GOLGA8O: variants seen among roughly 807,000 people sequenced by gnomAD.
The protein encoded by GOLGA8O is golgin A8 family member O, also known as golgin subfamily A member 8O.
GOLGA8O carries 4 observed loss-of-function variants against 29.7 expected under a neutral mutation model. The observed-to-expected ratio is 0.13, with a 90% CI of 0.07 to 0.31. GOLGA8O has a LOEUF of 0.31. Ranked by LOEUF, GOLGA8O falls within the 10% of genes least tolerant of loss-of-function variation. GOLGA8O has a pLI of 1.00. For missense variants in GOLGA8O, 32 were observed against 216.5 expected, an observed-to-expected ratio of 0.15 and a Z score of 5.35; for synonymous variants, 6 against 78.0, an observed-to-expected ratio of 0.08 and a Z score of 4.87.
Position 32,451,586 on chromosome 15 carries a change from A to G in GOLGA8O, c.348+15T>C. 1 of 1,583,576 alleles carries G rather than the reference A, an allele frequency of 6.3e-7. No individual in the cohort carries two copies. The highest frequency in any genetic ancestry group is 1.1e-5 in the South Asian group (1 of 90,472). ...AACCCAGCAGTCATGTCGCGAGGAAACGAAATCACGTTACTTCTTCCAGCT... is the reference window on the plus strand; with the variant it reads ...AACCCAGCAGTCATGTCGCGAGGAAGCGAAATCACGTTACTTCTTCCAGCT... On this transcript the variant is annotated intron_variant, in intron 5 of 18. Transcript: ENST00000509311.
rs2055061722 is a variant in GOLGA8O at position 32,444,488 on chromosome 15, T to TCC, written c.*616_*617dup. Among the ~76,000 whole-genome samples the TCC allele has an allele frequency of 9.2e-6, 1 of 109,076 alleles. No individual in the cohort carries two copies. The highest frequency in any genetic ancestry group is 3.1e-5 in the African/African-American group (1 of 32,440). 71.6% of individuals were successfully genotyped at this position (109,076 alleles called of 152,430 possible). A position where few individuals can be genotyped will look rare whatever the true frequency, so the allele number is the denominator to read the frequency against. ...TCCTCTTCTGTGAGATTTAAAAAGC[T>TCC]CCCCCAAAAGGTTATCACTCCCATC... is the stretch of plus-strand genomic sequence containing the variant. On this transcript the variant is annotated 3_prime_UTR_variant, in exon 19 of 19. Coordinates refer to ENST00000509311, the MANE Select transcript of GOLGA8O (RefSeq NM_001277308.1).
At chr15:32,451,439 C>T in intron 5 of GOLGA8O, 101 bp from the exon 6 acceptor site, 1 of 690,574 alleles carries the variant, frequency 1.4e-6, no homozygotes, top group Non-Finnish European at 2.6e-6. Context: ...GACAGGCCCA[C>T]CCATGGGACC....
chr15:32,450,985 T>A lies in GOLGA8O; in HGVS notation c.519A>T (p.Ser173=). Residue 173 remains serine (S), a synonymous_variant, in exon 8 of 19, where the codon TCA becomes TCT. Coordinates refer to ENST00000509311, the MANE Select transcript of GOLGA8O (RefSeq NM_001277308.1). ...TCTCTAACTCTCCTTTACACTGCAA[T>A]GAATGTTGCAGGCGGACAGCCAGGT... ...SKDLAVRLQH[S]LQCKGELESA... 1 of 1,401,360 alleles carries A rather than the reference T, an allele frequency of 7.1e-7. No individual in the cohort carries two copies. Among genetic ancestry groups the A allele is most frequent in the Non-Finnish European group, 9.6e-7 (1 of 1,038,780 alleles). 86.8% of individuals were successfully genotyped at this position (1,401,360 alleles called of 1,614,324 possible).
chr15:32,450,545 A>G (rs1390581426), intron 8 of GOLGA8O, among the ~76,000 whole-genome samples: 2 of 143,380 alleles, frequency 1.4e-5, no homozygotes, highest in South Asian at 2.4e-4. Flanking sequence ...ACACACACAC[A>G]CACACATGCA....
Position 32,451,609 on chromosome 15 carries a change from G to C in GOLGA8O, c.340C>G (p.Leu114Val), listed in dbSNP as rs751484587. The change falls in exon 5 of 19, where the codon CTG becomes GTG. Residue 114 changes from leucine to valine, a missense_variant. Leu to Val is a conservative substitution (Grantham distance 32, BLOSUM62 1). Coordinates refer to ENST00000509311, the MANE Select transcript of GOLGA8O (RefSeq NM_001277308.1). Reference sequence around the variant, plus strand: ...AAACGAAATCACGTTACTTCTTCCAGCTGATGTTCCACTTGTTTCTTCTGT... The same window carrying C: ...AAACGAAATCACGTTACTTCTTCCACCTGATGTTCCACTTGTTTCTTCTGT... Reference protein sequence around the residue: ...KQQKKQVEHQLEEEKKANNER... With the variant: ...KQQKKQVEHQVEEEKKANNER... 4.5e-6 allele frequency: 7 copies of C among 1,569,278 alleles called. No homozygotes were observed. The South Asian group carries it at 7.8e-5, about 17-fold the overall frequency.
the GOLGA8O span, among the ~76,000 whole-genome samples, chr15:32,460,691 GCA>G: frequency 2.3e-4 from 22 of 95,260 alleles, 1 homozygote; most frequent in Middle Eastern, 5.0e-3. Flanking sequence ...ATACACACGC[GCA>G]CACACACACA....
At chr15:32,451,578 G>C (rs774765004) in intron 5 of GOLGA8O, 23 bp downstream of exon 5, 22 of 1,587,598 alleles carry the variant, frequency 1.4e-5, no homozygotes, top group African/African-American at 7.1e-5. Flanking sequence ...CAGTCATGTC[G>C]CGAGGAAACG....
At chr15:32,459,280 C>T (rs1318197257), upstream of GOLGA8O, among the ~76,000 whole-genome samples, 1 of 67,142 alleles carries the variant, frequency 1.5e-5, no homozygotes, top group Admixed American at 1.6e-4. Flanking sequence ...GCAACAAGAG[C>T]GAAACTGGGT....
chr15:32,456,772 AAAAC>A (rs1308583589), upstream of GOLGA8O, among the ~76,000 whole-genome samples: 1 of 5,476 alleles, frequency 1.8e-4, no homozygotes, highest in East Asian at 5.4e-3. Flanking sequence ...TAGGAAAAGC[AAAAC>A]AAACAAAAAG....
rs1361799532 is a variant in GOLGA8O, at chr15:32,445,841, G to C, written c.1426C>G (p.Gln476Glu). ...KADLSELVKK[Q>E]ELRFIQYWQE... is the part of the protein sequence containing the mutation. ...CAGTATTGAATGAAGCGAAGTTCTT[G>C]TTTTTTCACCAGCTCACTCAGGTCT... Residue 476 changes from glutamine to glutamate, a missense_variant, in exon 16 of 19, where the codon CAA becomes GAA. By Grantham distance (29) the Gln-to-Glu change is conservative (BLOSUM62 2). Transcript: ENST00000509311. 3 of 762,180 alleles carry C rather than the reference G, an allele frequency of 3.9e-6. 1 individual carries two copies. Among genetic ancestry groups the C allele is most frequent in the Admixed American group, 2.5e-5 (1 of 39,432 alleles). 47.2% of individuals were successfully genotyped at this position (762,180 alleles called of 1,614,324 possible).
rs574251584 is a variant in GOLGA8O, at chr15:32,451,047, G to A, written c.482-25C>T. 256 of 1,203,740 alleles carry A rather than the reference G, an allele frequency of 2.1e-4. 72 individuals carry two copies. The highest frequency in any genetic ancestry group is 1.7e-4 in the South Asian group (12 of 71,032). The allele number at this position is 1,203,740 out of a possible 1,614,324, so 74.6% of individuals were successfully genotyped here. A position where few individuals can be genotyped will look rare whatever the true frequency, so the allele number is the denominator to read the frequency against. ...TCTGTAATGAGAGAGTTGAGATGGG[G>A]CCCAAAGGACTCCTCCTGAAGACCT... On this transcript the variant is annotated intron_variant, in intron 7 of 18. Coordinates refer to ENST00000509311, the MANE Select transcript of GOLGA8O (RefSeq NM_001277308.1).
At chr15:32,459,321 G>C (rs1412868671), upstream of GOLGA8O, among the ~76,000 whole-genome samples, 2 of 104,744 alleles carry the variant, frequency 1.9e-5, 1 homozygote, top group Non-Finnish European at 4.2e-5. Context: ...GACTACAAAT[G>C]ATAAGCAACA....
Position 32,451,582 on chromosome 15 carries a change from G to A in GOLGA8O, c.348+19C>T, listed in dbSNP as rs2055133670. The A allele has an allele frequency of 1.3e-6, 2 of 1,586,930 alleles. 1 individual carries two copies. Among genetic ancestry groups the A allele is most frequent in the Non-Finnish European group, 1.7e-6 (2 of 1,173,432 alleles). ...CCCAAACCCAGCAGTCATGTCGCGA[G>A]GAAACGAAATCACGTTACTTCTTCC... On this transcript the variant is annotated intron_variant, in intron 5 of 18. Coordinates refer to ENST00000509311, the MANE Select transcript of GOLGA8O (RefSeq NM_001277308.1).
upstream of GOLGA8O, among the ~76,000 whole-genome samples, chr15:32,458,749 G>A (rs1476221817): frequency 4.5e-5 from 5 of 111,034 alleles, no homozygotes; most frequent in East Asian, 1.2e-3. Context: ...CTGGGCTCAA[G>A]CAATCCTCCT....
chr15:32,458,455 A>G (rs1337196692), upstream of GOLGA8O, among the ~76,000 whole-genome samples: 2 of 104,094 alleles, frequency 1.9e-5, no homozygotes, highest in East Asian at 5.8e-4. Flanking sequence ...GAGAATGTAG[A>G]TTTTACATCC....
chr15:32,450,718 C>A (rs1177220617), intron 8 of GOLGA8O, among the ~76,000 whole-genome samples, 195 bp downstream of exon 8: 51 of 151,910 alleles, frequency 3.4e-4, no homozygotes, highest in Middle Eastern at 6.8e-3. Flanking sequence ...TGCTCACTCC[C>A]CACAGTACCC....
intron 8 of GOLGA8O, among the ~76,000 whole-genome samples, chr15:32,450,528 C>CAG (rs1426225366): frequency 7.0e-6 from 1 of 143,054 alleles, no homozygotes; most frequent in Non-Finnish European, 1.5e-5. Context: ...TACACACACA[C>CAG]ACACACACAC....
At chr15:32,460,662 C>T in the GOLGA8O span, among the ~76,000 whole-genome samples, 1 of 95,092 alleles carries the variant, frequency 1.1e-5, no homozygotes, top group Non-Finnish European at 2.2e-5. Context: ...CATGTACCAA[C>T]CCAATTAAGA....
the GOLGA8O span, among the ~76,000 whole-genome samples, chr15:32,460,709 G>A: frequency 0.23 from 19,757 of 87,674 alleles, 3,253 homozygotes; most frequent in Non-Finnish European, 0.27. Flanking sequence ...ACACACACAC[G>A]CACACACACA....
Sources: gnomAD v4.1 joint callset for allele counts (sites outside exome capture counted in the v4.1 genomes callset) on GRCh38, gnomAD v4.1.1 for gene constraint, MANE v1.5 for transcripts, NCBI Gene and HGNC (gene_info 2026-07-23, HGNC 2026-07-21) for gene names.